The following SPTLC3 variants were observed in gnomAD, a reference collection of about 807,000 sequenced individuals.
The protein encoded by SPTLC3 is serine palmitoyltransferase long chain base subunit 3, also known as serine palmitoyltransferase 3.
Under a neutral mutation model 59.3 loss-of-function variants are expected in SPTLC3, and 36 were observed. The observed-to-expected ratio is 0.61, with a 90% confidence interval of 0.47 to 0.80. The LOEUF is 0.80. Ranked by LOEUF, SPTLC3 falls within the 30% of genes least tolerant of loss-of-function variation. The pLI is 0.00. For synonymous variants in SPTLC3, 257 were observed against 240.8 expected, an observed-to-expected ratio of 1.07 and a Z score of -0.62; for missense variants, 625 against 685.1, an observed-to-expected ratio of 0.91 and a Z score of 0.98.
chr20:13,110,283 G>T, intron 7 of SPTLC3, 66 bp downstream of exon 7: 1 of 1,353,810 alleles, frequency 7.4e-7, no homozygotes. Flanking sequence ...GTGCGGAAAG[G>T]CTCACCTTTC....
intron 2 of SPTLC3, among the ~76,000 whole-genome samples, chr20:13,071,672 C>T (rs187443856): frequency 6.6e-6 from 1 of 152,250 alleles, no homozygotes; most frequent in African/African-American, 2.4e-5. Context: ...TGCTTTAAGC[C>T]TCAGCTAGAT....
intron 2 of SPTLC3, among the ~76,000 whole-genome samples, chr20:13,071,312 T>C (rs191352406): frequency 2.6e-5 from 4 of 152,314 alleles, no homozygotes; most frequent in Admixed American, 2.6e-4. Context: ...TTACATAATA[T>C]AGTAACTCTC....
intron 1 of SPTLC3, among the ~76,000 whole-genome samples, chr20:13,029,866 G>A (rs1319695626): frequency 6.6e-6 from 1 of 152,074 alleles, no homozygotes; most frequent in African/African-American, 2.4e-5. Flanking sequence ...CACAGAGAAG[G>A]GAACAGCTGC....
intron 8 of SPTLC3, among the ~76,000 whole-genome samples, chr20:13,119,791 A>G (rs748880569): frequency 2.0e-5 from 3 of 152,234 alleles, no homozygotes; most frequent in Non-Finnish European, 4.4e-5. Context: ...AACCTTGAAA[A>G]CATAGGGGCT....
intron 10 of SPTLC3, among the ~76,000 whole-genome samples, chr20:13,157,167 G>A (rs1337204481): frequency 2.0e-5 from 3 of 151,896 alleles, no homozygotes; most frequent in Admixed American, 2.0e-4. Context: ...GCCGGGTACG[G>A]TAGCTCATGC....
At chr20:13,090,694 A>G (rs770680293) in intron 4 of SPTLC3, among the ~76,000 whole-genome samples, 35 of 152,192 alleles carry the variant, frequency 2.3e-4, no homozygotes, top group Non-Finnish European at 3.1e-4. Flanking sequence ...AAAAGTAACT[A>G]CTATCCTGAC....
chr20:13,069,319 A>T (rs1208338643), intron 2 of SPTLC3, among the ~76,000 whole-genome samples: 1 of 152,072 alleles, frequency 6.6e-6, no homozygotes, highest in East Asian at 1.9e-4. Context: ...GATTCTCCTC[A>T]TGGGCCGAGT....
intron 9 of SPTLC3, among the ~76,000 whole-genome samples, chr20:13,132,441 T>C (rs1326119396): frequency 6.6e-6 from 1 of 152,080 alleles, no homozygotes; most frequent in Non-Finnish European, 1.5e-5. Context: ...CCTCCCAAAG[T>C]ACTGGGATTA....
intron 11 of SPTLC3, 112 bp from the exon 12 acceptor site, chr20:13,164,642 G>A (rs2038960779): frequency 1.3e-6 from 1 of 764,834 alleles, no homozygotes; most frequent in African/African-American, 1.8e-5. Context: ...AATCAAAGAA[G>A]CTAGCAAACT....
At chr20:13,091,003 T>G (rs1245296883) in intron 4 of SPTLC3, 80 bp from the exon 5 acceptor site, 3 of 1,568,820 alleles carry the variant, frequency 1.9e-6, no homozygotes, top group Non-Finnish European at 2.6e-6. Context: ...TTTGGTGATG[T>G]GTACGTACTG....
At chr20:13,051,264 T>C (rs1987478189) in intron 2 of SPTLC3, among the ~76,000 whole-genome samples, 1 of 152,094 alleles carries the variant, frequency 6.6e-6, no homozygotes, top group African/African-American at 2.4e-5. Flanking sequence ...TTCATGCAAA[T>C]AGACACCAAA....
intron 4 of SPTLC3, among the ~76,000 whole-genome samples, chr20:13,086,961 C>CT (rs1229857767): frequency 2.0e-5 from 3 of 151,936 alleles, no homozygotes; most frequent in Non-Finnish European, 4.4e-5. Context: ...AGCTACTTTA[C>CT]TTTTTATTTA....
intron 2 of SPTLC3, among the ~76,000 whole-genome samples, chr20:13,070,509 A>G (rs6134769): frequency 0.25 from 37,893 of 152,050 alleles, 4,828 homozygotes; most frequent in Middle Eastern, 0.33. Flanking sequence ...GGCACTCCCC[A>G]TGGTCTCCTT....
intron 1 of SPTLC3, among the ~76,000 whole-genome samples, chr20:13,044,247 C>G (rs1987130407): frequency 1.3e-5 from 2 of 151,952 alleles, no homozygotes; most frequent in East Asian, 3.9e-4. Flanking sequence ...ATTACAGGTG[C>G]CTGCCACCAC....
At chr20:13,115,225 A>C (rs914585928) in intron 7 of SPTLC3, among the ~76,000 whole-genome samples, 4 of 152,194 alleles carry the variant, frequency 2.6e-5, no homozygotes, top group African/African-American at 9.6e-5. Context: ...GAAAAGGCTC[A>C]ATTCAAATTT....
chr20:13,093,417 C>A, intron 5 of SPTLC3, 67 bp from the exon 6 acceptor site: 1 of 1,415,428 alleles, frequency 7.1e-7, no homozygotes, highest in Non-Finnish European at 9.9e-7. Context: ...GTCTTCCTGT[C>A]CCCACAAGTT....
intron 1 of SPTLC3, among the ~76,000 whole-genome samples, chr20:13,029,519 A>T (rs1303916593): frequency 6.8e-6 from 1 of 147,054 alleles, no homozygotes; most frequent in Non-Finnish European, 1.5e-5. Flanking sequence ...ATTATATGGC[A>T]CTTGAAAACA....
chr20:13,040,071 GTGTGTGTA>G (rs768424038), intron 1 of SPTLC3, among the ~76,000 whole-genome samples: 1 of 141,822 alleles, frequency 7.1e-6, no homozygotes, highest in Non-Finnish European at 1.6e-5. Context: ...GTGTGTGTGT[GTGTGTGTA>G]TGTATACATA....
intron 9 of SPTLC3, among the ~76,000 whole-genome samples, chr20:13,139,146 T>C (rs560250526): frequency 6.6e-5 from 10 of 152,218 alleles, no homozygotes; most frequent in Non-Finnish European, 1.3e-4. Flanking sequence ...TAGGATGTTT[T>C]TCAATCAAGA....
Sources: gnomAD v4.1 joint callset for allele counts (sites outside exome capture counted in the v4.1 genomes callset) on GRCh38, gnomAD v4.1.1 for gene constraint, MANE v1.5 for transcripts, NCBI Gene and HGNC (gene_info 2026-07-23, HGNC 2026-07-21) for gene names.